CFAP299: variants seen among roughly 807,000 people sequenced by gnomAD.
CFAP299 encodes the protein cilia- and flagella-associated protein 299.
A neutral mutation model predicts 27.0 loss-of-function variants in CFAP299; 21 were observed. The observed-to-expected ratio is 0.78, with a 90% CI of 0.55 to 1.12. The LOEUF (loss-of-function observed/expected upper bound fraction) is 1.12, where lower values mean the gene tolerates loss of function less well. Among genes scored for constraint, CFAP299 ranks in the 50% most tolerant of loss-of-function variants. CFAP299 has a pLI of 0.00. For synonymous variants in CFAP299, 104 were observed against 98.1 expected, an observed-to-expected ratio of 1.06 and a Z score of -0.36; for missense variants, 310 against 276.6, an observed-to-expected ratio of 1.12 and a Z score of -0.86.
chr4:80,809,526 G>T (rs564078340), intron 3 of CFAP299, among the ~76,000 whole-genome samples: 1 of 152,216 alleles, frequency 6.6e-6, no homozygotes, highest in Non-Finnish European at 1.5e-5. Flanking sequence ...TCTAGCACAT[G>T]TTGAAAATGA....
intron 2 of CFAP299, among the ~76,000 whole-genome samples, chr4:80,536,612 A>T (rs1239849191): frequency 6.6e-6 from 1 of 152,152 alleles, no homozygotes; most frequent in Non-Finnish European, 1.5e-5. Flanking sequence ...ACATACAGGG[A>T]GGAAAGGGTG....
In CFAP299 at chr4:80,344,890, C is replaced by A. The variant is rs532200278; in HGVS notation, c.111+9011C>A. On this transcript the variant is annotated intron_variant, in intron 1 of 5. Transcript: ENST00000358105. Reference sequence around the variant, plus strand: ...ATATAAACATAACTAAAATAAAAAACCACATGATTATCTCAATAGATGCAG... The same window carrying A: ...ATATAAACATAACTAAAATAAAAAAACACATGATTATCTCAATAGATGCAG... Among the ~76,000 whole-genome samples the A allele has an allele frequency of 1.1e-4, 16 of 152,234 alleles. No individual in the cohort carries two copies. The South Asian group carries it at 2.3e-3, about 22-fold the overall frequency.
intron 5 of CFAP299, among the ~76,000 whole-genome samples, chr4:80,962,791 G>A (rs926995139): frequency 2.6e-5 from 4 of 151,736 alleles, no homozygotes; most frequent in Admixed American, 2.6e-4. Context: ...TATACAAAAG[G>A]CCTAGTAACT....
intron 1 of CFAP299, among the ~76,000 whole-genome samples, chr4:80,349,468 T>A (rs967829106): frequency 6.6e-6 from 1 of 152,176 alleles, no homozygotes; most frequent in African/African-American, 2.4e-5. Flanking sequence ...TTCTCAAATG[T>A]TACAGGACAT....
chr4:80,581,330 A>C (rs1736152109), intron 2 of CFAP299, among the ~76,000 whole-genome samples: 1 of 151,182 alleles, frequency 6.6e-6, no homozygotes, highest in Non-Finnish European at 1.5e-5. Context: ...ACTTTTGGAC[A>C]GAACAGTGAA....
chr4:80,683,588 A>C (rs1719985653), intron 3 of CFAP299, among the ~76,000 whole-genome samples: 1 of 152,010 alleles, frequency 6.6e-6, no homozygotes, highest in Non-Finnish European at 1.5e-5. Flanking sequence ...TTTTAGTTTA[A>C]CTCTTTAAGT....
intron 3 of CFAP299, among the ~76,000 whole-genome samples, chr4:80,789,929 G>A (rs1727453787): frequency 6.6e-6 from 1 of 151,888 alleles, no homozygotes; most frequent in Non-Finnish European, 1.5e-5. Flanking sequence ...ACCACTAGTA[G>A]GCAGACAAAT....
At chr4:80,681,261 A>T (rs1281874889) in intron 3 of CFAP299, among the ~76,000 whole-genome samples, 1 of 152,112 alleles carries the variant, frequency 6.6e-6, no homozygotes, top group African/African-American at 2.4e-5. Flanking sequence ...TGACAGAGGA[A>T]ATCTCATTGT....
intron 3 of CFAP299, among the ~76,000 whole-genome samples, chr4:80,644,623 T>C (rs981124919): frequency 6.6e-6 from 1 of 152,188 alleles, no homozygotes; most frequent in Non-Finnish European, 1.5e-5. Context: ...GTGGAAACAA[T>C]GTAAGTATTT....
chr4:80,885,503 T>G (rs1290781050), intron 4 of CFAP299, among the ~76,000 whole-genome samples: 1 of 152,114 alleles, frequency 6.6e-6, no homozygotes, highest in Non-Finnish European at 1.5e-5. Flanking sequence ...AAAGAGGACT[T>G]TGTTTTGCAA....
chr4:80,921,319 A>G (rs1426295115), intron 4 of CFAP299, among the ~76,000 whole-genome samples: 4 of 152,084 alleles, frequency 2.6e-5, no homozygotes. Flanking sequence ...AATGAGATAG[A>G]TATGTTCAGT....
intron 3 of CFAP299, among the ~76,000 whole-genome samples, chr4:80,813,272 A>C (rs960582464): frequency 6.6e-6 from 1 of 152,060 alleles, no homozygotes; most frequent in African/African-American, 2.4e-5. Flanking sequence ...AAGAAAAATT[A>C]TCTCGAGCCT....
chr4:80,436,538 A>G (rs551729854), intron 2 of CFAP299, among the ~76,000 whole-genome samples: 82 of 152,132 alleles, frequency 5.4e-4, no homozygotes, highest in Non-Finnish European at 8.1e-4. Flanking sequence ...TCCTGACCTC[A>G]TGATCCACCC....
intron 2 of CFAP299, among the ~76,000 whole-genome samples, chr4:80,466,828 G>A (rs1368272425): frequency 6.6e-6 from 1 of 152,046 alleles, no homozygotes; most frequent in Non-Finnish European, 1.5e-5. Context: ...ATCATGTCAG[G>A]CCCTTGCACT....
chr4:80,839,477 G>A (rs1730747870), intron 3 of CFAP299, among the ~76,000 whole-genome samples: 1 of 152,068 alleles, frequency 6.6e-6, no homozygotes, highest in Admixed American at 6.6e-5. Context: ...GGTTTGGCAG[G>A]TTTGCTTCCC....
At chr4:80,475,155 G>A (rs1730212271) in intron 2 of CFAP299, among the ~76,000 whole-genome samples, 1 of 152,216 alleles carries the variant, frequency 6.6e-6, no homozygotes, top group Admixed American at 6.5e-5. Flanking sequence ...GGCCAGAACA[G>A]TAGGCAGGTG....
chr4:80,404,020 C>T (rs1232585225), intron 2 of CFAP299, among the ~76,000 whole-genome samples: 3 of 152,044 alleles, frequency 2.0e-5, no homozygotes, highest in East Asian at 1.9e-4. Flanking sequence ...TACCCGTGGC[C>T]TAGCCTAAGA....
rs549218155 is a variant in CFAP299 at position 80,628,126 on chromosome 4, T to A, written c.333+44943T>A. Among the ~76,000 whole-genome samples the A allele has an allele frequency of 1.5e-3, 231 of 152,148 alleles. 1 individual carries two copies. Among genetic ancestry groups the A allele is most frequent in the Non-Finnish European group, 2.5e-3 (173 of 67,948 alleles). On this transcript the variant is annotated intron_variant, in intron 3 of 5. Coordinates refer to ENST00000358105, the MANE Select transcript of CFAP299 (RefSeq NM_152770.3). The stretch of plus-strand genomic sequence containing the variant: ...TGACCAAAACAGCATGGTACTGGCA[T>A]AAAAATAGACACACAGAGCAATTAA...
chr4:80,639,991 G>C (rs1373003581), intron 3 of CFAP299, among the ~76,000 whole-genome samples: 2 of 152,044 alleles, frequency 1.3e-5, no homozygotes, highest in East Asian at 3.9e-4. Flanking sequence ...TGTTTTAATG[G>C]GCATGGAGTT....
Sources: allele counts gnomAD v4.1 joint callset (sites outside exome capture counted in the v4.1 genomes callset), GRCh38; gene constraint gnomAD v4.1.1; transcripts MANE v1.5; gene names NCBI Gene and HGNC (gene_info 2026-07-23, HGNC 2026-07-21).